SDK1: variants seen among roughly 807,000 people sequenced by gnomAD.
SDK1 encodes protein sidekick-1.
In SDK1, 157 loss-of-function variants were observed where a neutral mutation model predicts 245.5. The ratio of observed to expected loss-of-function variants is 0.64; its 90% confidence interval spans 0.56 to 0.73. The LOEUF is 0.73. Among genes scored for constraint, SDK1 ranks in the 30% least tolerant of loss-of-function variants. The pLI, the probability that SDK1 is intolerant of heterozygous loss-of-function variation, is 0.00. For missense variants in SDK1, 3,583 were observed against 3,002.3 expected (o/e 1.19, Z -4.52); for synonymous variants, 1,647 against 1,278.5 (o/e 1.29, Z -6.15).
intron 1 of SDK1, among the ~76,000 whole-genome samples, chr7:3,517,945 G>C (rs1322993025): frequency 2.0e-5 from 3 of 152,070 alleles, no homozygotes; most frequent in Non-Finnish European, 2.9e-5. Flanking sequence ...TAATTCATTT[G>C]AAGTTTTTTG....
chr7:3,678,624 G>C (rs919477522), intron 4 of SDK1, among the ~76,000 whole-genome samples: 2 of 152,162 alleles, frequency 1.3e-5, no homozygotes, highest in Non-Finnish European at 2.9e-5. Context: ...CATGGCCCTG[G>C]GGGGAGGGAG....
chr7:3,833,940 C>T (rs1301958633), intron 5 of SDK1, among the ~76,000 whole-genome samples: 1 of 152,154 alleles, frequency 6.6e-6, no homozygotes, highest in African/African-American at 2.4e-5. Flanking sequence ...ATGTTGCCCC[C>T]ACTGGCCTCC....
intron 2 of SDK1, among the ~76,000 whole-genome samples, chr7:3,629,786 C>A (rs1782234911): frequency 6.6e-6 from 1 of 152,186 alleles, no homozygotes; most frequent in African/African-American, 2.4e-5. Flanking sequence ...CAAAGATCAT[C>A]AAGCATATGC....
intron 5 of SDK1, among the ~76,000 whole-genome samples, chr7:3,849,036 A>T (rs1174121715): frequency 6.6e-6 from 1 of 152,166 alleles, no homozygotes; most frequent in East Asian, 1.9e-4. Context: ...AGCGCATCAG[A>T]TCTTCACTTC....
intron 5 of SDK1, among the ~76,000 whole-genome samples, chr7:3,875,663 G>C (rs934547475): frequency 6.6e-6 from 1 of 152,186 alleles, no homozygotes; most frequent in Non-Finnish European, 1.5e-5. Flanking sequence ...GGGTAGGAAA[G>C]ATTGGCAAAA....
chr7:3,796,821 T>A (rs953162897), intron 4 of SDK1, among the ~76,000 whole-genome samples: 1 of 152,240 alleles, frequency 6.6e-6, no homozygotes, highest in African/African-American at 2.4e-5. Context: ...TTCAGTTTTC[T>A]TGTTTTTTAA....
intron 1 of SDK1, among the ~76,000 whole-genome samples, chr7:3,586,029 G>C (rs1231086467): frequency 6.6e-6 from 1 of 152,158 alleles, no homozygotes; most frequent in African/African-American, 2.4e-5. Flanking sequence ...GTGGAAGAGA[G>C]CTACATTGCT....
intron 22 of SDK1, among the ~76,000 whole-genome samples, chr7:4,088,988 C>G (rs941807575): frequency 1.3e-5 from 2 of 150,966 alleles, no homozygotes; most frequent in African/African-American, 4.9e-5. Context: ...GAGACCCTCC[C>G]TCAGGTGGAG....
At chr7:3,840,691 C>T (rs773868799) in intron 5 of SDK1, among the ~76,000 whole-genome samples, 3 of 152,226 alleles carry the variant, frequency 2.0e-5, no homozygotes, top group South Asian at 2.1e-4. Flanking sequence ...ACTCTGGTCA[C>T]GGACTACGCT....
At chr7:3,795,913 T>C (rs1473869290) in intron 4 of SDK1, among the ~76,000 whole-genome samples, 1 of 152,206 alleles carries the variant, frequency 6.6e-6, no homozygotes, top group East Asian at 1.9e-4. Flanking sequence ...TCATAAAATG[T>C]GTTTCTGGGA....
chr7:3,596,668 C>A (rs1412889843), intron 1 of SDK1, among the ~76,000 whole-genome samples: 1 of 149,864 alleles, frequency 6.7e-6, no homozygotes, highest in Non-Finnish European at 1.5e-5. Flanking sequence ...ATAAATATTA[C>A]CTGTGCTTGA....
chr7:3,690,128 T>A (rs1338160259), intron 4 of SDK1, among the ~76,000 whole-genome samples: 1 of 152,172 alleles, frequency 6.6e-6, no homozygotes, highest in Admixed American at 6.5e-5. Flanking sequence ...TCGAACCTTT[T>A]GGAAAAATCT....
chr7:3,739,029 G>A (rs6979251), intron 4 of SDK1, among the ~76,000 whole-genome samples: 19,685 of 151,592 alleles, frequency 0.13, 1,907 homozygotes, highest in African/African-American at 0.27. Context: ...AAGAATAGAG[G>A]TAATTTTACT....
intron 4 of SDK1, among the ~76,000 whole-genome samples, chr7:3,804,155 C>G (rs1779181500): frequency 6.6e-6 from 1 of 152,120 alleles, no homozygotes; most frequent in East Asian, 1.9e-4. Context: ...ATGAATTATG[C>G]TTTTGCTGTC....
At chr7:4,076,082 G>A (rs922117476) in intron 20 of SDK1, among the ~76,000 whole-genome samples, 3 of 152,184 alleles carry the variant, frequency 2.0e-5, no homozygotes, top group African/African-American at 7.2e-5. Context: ...TATATGAAAA[G>A]GGGAGAGAGA....
intron 40 of SDK1, among the ~76,000 whole-genome samples, chr7:4,226,702 T>C (rs1395931470): frequency 1.3e-5 from 2 of 152,178 alleles, no homozygotes; most frequent in African/African-American, 4.8e-5. Context: ...TCCTCCAAAT[T>C]GGTGTTGCAA....
At chr7:3,719,499 G>T (rs1444822825) in intron 4 of SDK1, among the ~76,000 whole-genome samples, 3 of 152,098 alleles carry the variant, frequency 2.0e-5, no homozygotes, top group Non-Finnish European at 4.4e-5. Context: ...ACACGAATAT[G>T]CCCAACTAAT....
intron 43 of SDK1, among the ~76,000 whole-genome samples, chr7:4,244,343 C>G (rs1271089876): frequency 1.3e-5 from 2 of 152,206 alleles, no homozygotes; most frequent in Non-Finnish European, 2.9e-5. Flanking sequence ...TCCCTTTGAG[C>G]ACACAGCTGC....
At chr7:4,204,994 G>GGTGGTGTGGTGAGGC (rs1353921893) in intron 35 of SDK1, among the ~76,000 whole-genome samples, 1 of 152,030 alleles carries the variant, frequency 6.6e-6, no homozygotes, top group Non-Finnish European at 1.5e-5. Flanking sequence ...CACCCCTAAT[G>GGTGGTGTGGTGAGGC]GCGGTGTGGT....
Sources: gnomAD v4.1 joint callset for allele counts (sites outside exome capture counted in the v4.1 genomes callset) on GRCh38, gnomAD v4.1.1 for gene constraint, MANE v1.5 for transcripts, NCBI Gene and HGNC (gene_info 2026-07-23, HGNC 2026-07-21) for gene names.